DSCAML1: variants seen among roughly 807,000 people sequenced by gnomAD.
DSCAML1 encodes cell adhesion molecule DSCAML1.
A neutral mutation model predicts 200.5 loss-of-function variants in DSCAML1; 38 were observed. The ratio of observed to expected loss-of-function variants is 0.19; its 90% CI spans 0.15 to 0.25. The LOEUF (loss-of-function observed/expected upper bound fraction) is 0.25, where lower values mean the gene tolerates loss of function less well. Among genes scored for constraint, DSCAML1 ranks in the 10% least tolerant of loss-of-function variants. The probability of loss-of-function intolerance (pLI) is 1.00; values close to 1 mark genes in which losing one functional copy is unlikely to be tolerated. For synonymous variants in DSCAML1, 1,215 were observed against 1,165.0 expected, an observed-to-expected ratio of 1.04 and a Z score of -0.87; for missense variants, 2,223 against 2,858.8, an observed-to-expected ratio of 0.78 and a Z score of 5.07.
chr11:117,755,091 G>C (rs1286360337), intron 3 of DSCAML1, among the ~76,000 whole-genome samples: 1 of 152,136 alleles, frequency 6.6e-6, no homozygotes, highest in Non-Finnish European at 1.5e-5. Flanking sequence ...AAGGCCCCCA[G>C]CTCTGACATC....
At chr11:117,697,293 C>T (rs2053600409) in intron 3 of DSCAML1, among the ~76,000 whole-genome samples, 1 of 152,172 alleles carries the variant, frequency 6.6e-6, no homozygotes, top group South Asian at 2.1e-4. Flanking sequence ...CCTCTGTGTT[C>T]AGGATATTGG....
chr11:117,442,231 T>C (rs893974208), intron 21 of DSCAML1, among the ~76,000 whole-genome samples: 18 of 141,410 alleles, frequency 1.3e-4, no homozygotes, highest in African/African-American at 3.3e-4. Context: ...CTAGTGTGTG[T>C]GTGCGTGTGT....
intron 5 of DSCAML1, among the ~76,000 whole-genome samples, chr11:117,523,083 C>T (rs938875837): frequency 3.9e-5 from 6 of 152,124 alleles, no homozygotes; most frequent in Non-Finnish European, 7.3e-5. Flanking sequence ...TGCATGGGTA[C>T]AGGCACCATA....
intron 3 of DSCAML1, among the ~76,000 whole-genome samples, chr11:117,704,933 G>A (rs567477271): frequency 2.4e-4 from 37 of 152,230 alleles, no homozygotes; most frequent in Admixed American, 6.5e-4. Context: ...TCCCTTGTGC[G>A]CATTAGGTGG....
rs201679765 is a variant in DSCAML1 at position 117,572,088 on chromosome 11, C to A, written c.512-39566G>T. On this transcript the variant is annotated intron_variant, in intron 3 of 32. Coordinates refer to ENST00000651296, the MANE Select transcript of DSCAML1 (RefSeq NM_020693.4). ...AATGGGCAACCAGCAGCCCTTGGGG[C>A]TGCTCTGTTTATGGAATAGCCATTC... is the stretch of plus-strand genomic sequence containing the variant. Among the ~76,000 whole-genome samples the A allele has an allele frequency of 1.1e-4, 16 of 152,354 alleles. No individual in the cohort carries two copies. In the East Asian group the frequency reaches 3.1e-3, roughly 29 times the overall value.
intron 3 of DSCAML1, among the ~76,000 whole-genome samples, chr11:117,574,182 CAGA>C (rs1341209400): frequency 6.6e-6 from 1 of 152,226 alleles, no homozygotes; most frequent in Non-Finnish European, 1.5e-5. Context: ...TCCAATTCTC[CAGA>C]AGAACAAATG....
chr11:117,599,561 A>G (rs2051426662), intron 3 of DSCAML1, among the ~76,000 whole-genome samples: 1 of 152,186 alleles, frequency 6.6e-6, no homozygotes, highest in South Asian at 2.1e-4. Flanking sequence ...CTCTCTGCTC[A>G]GCAGCACCGT....
intron 3 of DSCAML1, among the ~76,000 whole-genome samples, chr11:117,661,439 C>T (rs2052848095): frequency 6.6e-6 from 1 of 152,220 alleles, no homozygotes; most frequent in Non-Finnish European, 1.5e-5. Flanking sequence ...TGCATTCACT[C>T]TACTCACTGT....
rs765012365 is a variant in DSCAML1 at position 117,437,128 on chromosome 11, C to T, written c.4714G>A (p.Asp1572Asn). The T allele has an allele frequency of 1.3e-5, 21 of 1,611,854 alleles. No homozygotes were observed. Among genetic ancestry groups the T allele is most frequent in the Admixed American group, 3.3e-5 (2 of 59,958 alleles). The change falls in exon 26 of 33, where the codon GAT becomes AAT. Residue 1572 changes from aspartate (D) to asparagine (N), a missense_variant. Physicochemically the swap from Asp to Asn is conservative, Grantham distance 23. Coordinates refer to ENST00000651296, the MANE Select transcript of DSCAML1 (RefSeq NM_020693.4). The surrounding 1 kb of genome is among the most constrained non-coding windows in gnomAD (Gnocchi z 5.3). ...TTCCACCCTTGCGACTCACTGCCAT[C>T]GTAGTCCAGGGTGGCGAACTGGGCT... ...ETAQFATLDYDGSTIPPIKSA... is the reference protein window; with the variant it reads ...ETAQFATLDYNGSTIPPIKSA...
At chr11:117,679,903 A>C (rs190763562) in intron 3 of DSCAML1, among the ~76,000 whole-genome samples, 216 of 151,888 alleles carry the variant, frequency 1.4e-3, no homozygotes, top group Middle Eastern at 3.4e-3. Flanking sequence ...CCTCCTCTCC[A>C]TGACACAGAT....
At chr11:117,758,558 C>T (rs189430495) in intron 3 of DSCAML1, among the ~76,000 whole-genome samples, 12 of 151,994 alleles carry the variant, frequency 7.9e-5, no homozygotes, top group African/African-American at 2.4e-4. Context: ...CCTACCACCA[C>T]GTCCGGGTAA....
intron 3 of DSCAML1, among the ~76,000 whole-genome samples, chr11:117,543,868 C>T (rs958110960): frequency 6.6e-6 from 1 of 151,618 alleles, no homozygotes; most frequent in African/African-American, 2.4e-5. Flanking sequence ...GTCTATGATG[C>T]GTATGTAGTG....
chr11:117,481,844 T>G, intron 12 of DSCAML1, 119 bp downstream of exon 12: 2 of 1,095,176 alleles, frequency 1.8e-6, no homozygotes, highest in Non-Finnish European at 2.7e-6. Context: ...GGTACATTTT[T>G]GGGGTGTGGG....
In DSCAML1 at chr11:117,496,126, G is replaced by A. The variant is rs145947513; in HGVS notation, c.2359+7719C>T. Reference sequence around the variant, plus strand: ...ATCTGACCACGTCTGTCCACCTTGGGTTTTTCCTTCTCTAACCTCACATCA... The same window carrying A: ...ATCTGACCACGTCTGTCCACCTTGGATTTTTCCTTCTCTAACCTCACATCA... On this transcript the variant is annotated intron_variant, in intron 11 of 32. Transcript: ENST00000651296. 1.5e-3 allele frequency among the ~76,000 whole-genome samples: 230 copies of A among 152,278 alleles called. 1 individual carries two copies. Among genetic ancestry groups the A allele is most frequent in the African/African-American group, 5.1e-3 (214 of 41,556 alleles).
At position 117,457,205 on chromosome 11, in the gene DSCAML1, G is replaced by A. The variant is rs1009695465; in HGVS notation, c.3568+1549C>T. Among the ~76,000 whole-genome samples, 8 of 152,198 alleles carry A rather than the reference G, an allele frequency of 5.3e-5. No homozygotes were observed. The South Asian group carries it at 1.2e-3, about 24-fold the overall frequency. On this transcript the variant is annotated intron_variant, in intron 19 of 32. Coordinates refer to ENST00000651296, the MANE Select transcript of DSCAML1 (RefSeq NM_020693.4). The stretch of plus-strand genomic sequence containing the variant: ...TTTCCATGCTGCGGCGCCGCCTCCC[G>A]AAGGTGAGGGGCAGTGCTGCTTTGG...
intron 3 of DSCAML1, among the ~76,000 whole-genome samples, chr11:117,550,122 TTTACTA>T (rs1225962172): frequency 2.6e-5 from 4 of 152,166 alleles, no homozygotes; most frequent in African/African-American, 9.7e-5. Context: ...ATACTGGCCT[TTTACTA>T]TTAATTTGTA....
At position 117,430,770 on chromosome 11, in the gene DSCAML1, C is replaced by T. The variant is rs1366529696; in HGVS notation, c.5638G>A (p.Asp1880Asn). 2 of 1,614,050 alleles carry T rather than the reference C, an allele frequency of 1.2e-6. No homozygotes were observed. Among genetic ancestry groups the T allele is most frequent in the East Asian group, 2.2e-5 (1 of 44,888 alleles). Residue 1880 changes from aspartate to asparagine, a missense_variant, in exon 32 of 33, where the codon GAC becomes AAC. Physicochemically the swap from Asp to Asn is conservative, Grantham distance 23. Transcript: ENST00000651296. ...TASPPKPQDA[D>N]RGKNVAVPIP... ...GGCACAGCCACGTTTTTGCCCCGGTCCGCATCCTGGGGCTTGGGTGGTGAG... is the reference window on the plus strand; with the variant it reads ...GGCACAGCCACGTTTTTGCCCCGGTTCGCATCCTGGGGCTTGGGTGGTGAG...
intron 3 of DSCAML1, among the ~76,000 whole-genome samples, chr11:117,745,984 G>C (rs58298940): frequency 1.2e-3 from 178 of 152,050 alleles, no homozygotes; most frequent in African/African-American, 4.0e-3. Context: ...GGAGGCGGAG[G>C]CAGGTGGATC....
chr11:117,566,340 T>TTC (rs57468415), intron 3 of DSCAML1, among the ~76,000 whole-genome samples: 5,630 of 141,710 alleles, frequency 0.04, 321 homozygotes, highest in African/African-American at 0.13. Flanking sequence ...TTTCTTTTCT[T>TTC]TCTCTCTCTC....
Sources: gnomAD v4.1 joint callset for allele counts (sites outside exome capture counted in the v4.1 genomes callset) on GRCh38, gnomAD v4.1.1 for gene constraint, Gnocchi (gnomAD v3.1) non-coding constraint, MANE v1.5 for transcripts, NCBI Gene and HGNC (gene_info 2026-07-23, HGNC 2026-07-21) for gene names.